ZNF395: variants seen among roughly 807,000 people sequenced by gnomAD.
ZNF395 encodes zinc finger protein 395.
Under a neutral mutation model 57.7 loss-of-function variants are expected in ZNF395, and 20 were observed. The observed-to-expected ratio is 0.35, with a 90% CI of 0.24 to 0.50. ZNF395 has a LOEUF of 0.50. Among genes scored for constraint, ZNF395 ranks in the 20% least tolerant of loss-of-function variants. The pLI is 0.97. For missense variants in ZNF395, 606 were observed against 671.2 expected (o/e 0.90, Z 1.07); for synonymous variants, 295 against 275.9 (o/e 1.07, Z -0.69).
intron 1 of ZNF395, among the ~76,000 whole-genome samples, chr8:28,385,758 G>A (rs1397926754): frequency 1.3e-5 from 2 of 148,374 alleles, no homozygotes; most frequent in East Asian, 3.9e-4. Context: ...GTCGGGAGGG[G>A]GCTCCGAGAG....
At chr8:28,365,658 G>C (rs946305658) in intron 1 of ZNF395, 1 of 152,116 alleles carries the variant, frequency 6.6e-6, no homozygotes, top group East Asian at 1.9e-4. Flanking sequence ...AGTTTTAAGG[G>C]GATACCAAGC....
Position 28,351,675 on chromosome 8 carries a change from G to C in ZNF395, c.1053C>G (p.Ser351=). 6.2e-7 allele frequency: 1 copy of C among 1,612,504 alleles called. No individual in the cohort carries two copies. Among genetic ancestry groups the C allele is most frequent in the Non-Finnish European group, 8.5e-7 (1 of 1,179,906 alleles). Residue 351 remains serine (S), a synonymous_variant, in exon 7 of 10, where the codon TCC becomes TCG. Coordinates refer to ENST00000344423, the MANE Select transcript of ZNF395 (RefSeq NM_018660.3). ...TCATGCTGGGGGTGGGAGCTGGCTC[G>C]GAGGTGGGAGTCCCAGGGACTGGGG... ...AGTPVPGTPT[S]EPAPTPSMTG... is the part of the protein sequence containing the mutation.
intron 1 of ZNF395, among the ~76,000 whole-genome samples, chr8:28,374,395 G>C (rs982795780): frequency 6.6e-6 from 1 of 152,210 alleles, no homozygotes; most frequent in African/African-American, 2.4e-5. Context: ...CTTTCTGATT[G>C]CTGCAGAAGT....
At position 28,359,732 on chromosome 8, in the gene ZNF395, C is replaced by T; in HGVS notation, c.333G>A (p.Gln111=). The change falls in exon 3 of 10, where the codon CAG becomes CAA. Residue 111 remains glutamine, a synonymous_variant. Transcript: ENST00000344423. This position sits in a 1 kb window ranked among gnomAD's most constrained non-coding sequence, Gnocchi z 4.7. ...CCACCCTGCAGCAGACCTGCAGCTT[C>T]TGCTCCAGCAGCCAGACGGTCACCT... ...EGQVTVWLLE[Q]KLQVCCRVEE... is the part of the protein sequence containing the mutation. The T allele has an allele frequency of 6.2e-7, 1 of 1,614,144 alleles. No homozygotes were observed. The highest frequency in any genetic ancestry group is 8.5e-7 in the Non-Finnish European group (1 of 1,180,046).
chr8:28,380,542 G>T lies in ZNF395; in HGVS notation c.-59+5851C>A, dbSNP rs578183631. ...TACTCATTTTCAGATCTCCTTCCAGGCTGCCTCAGTGCCAATAATTAACAG... is the reference window on the plus strand; with the variant it reads ...TACTCATTTTCAGATCTCCTTCCAGTCTGCCTCAGTGCCAATAATTAACAG... On this transcript the variant is annotated intron_variant, in intron 1 of 9. Transcript: ENST00000344423. 2.0e-5 allele frequency among the ~76,000 whole-genome samples: 3 copies of T among 152,190 alleles called. No individual in the cohort carries two copies. The South Asian group carries it at 6.2e-4, about 32-fold the overall frequency.
Position 28,349,218 on chromosome 8 carries a change from C to A in ZNF395, c.1337G>T (p.Arg446Leu), listed in dbSNP as rs762234584. ...CTGGGGCTCGCTGAAGCTTAGCGAC[C>A]GGCTCCGGACCTGGGCGTGGGGAGA... Reference protein sequence around the residue: ...AACSLSPVRSRSLSFSEPQQP... With the variant: ...AACSLSPVRSLSLSFSEPQQP... The change falls in exon 9 of 10, where the codon CGG becomes CTG. Residue 446 changes from arginine (R) to leucine (L), a missense_variant. This residue lies in a region of ZNF395 where 261 missense variants were observed against 240.3 expected (regional missense o/e 1.09). Transcript: ENST00000344423. The A allele has an allele frequency of 6.5e-7, 1 of 1,545,580 alleles. No individual in the cohort carries two copies. Among genetic ancestry groups the A allele is most frequent in the South Asian group, 1.2e-5 (1 of 80,452 alleles).
At position 28,351,589 on chromosome 8, in the gene ZNF395, T is replaced by C. The variant is rs1193746819; in HGVS notation, c.1139A>G (p.Glu380Gly). The part of the protein sequence containing the change: ...PLHKAQSSGP[E>G]HPGPESSLPS... ...CAGGGAGGACTCCGGGCCAGGATGT[T>C]CTGGGCCGGAGGACTGGGCTTTGTG... Residue 380 changes from glutamate to glycine, a missense_variant, in exon 7 of 10, where the codon GAA (glutamate) becomes GGA (glycine). Glu to Gly is a moderately conservative substitution (Grantham distance 98). Around this residue, in one of 3 missense-constraint regions of ZNF395, gnomAD observed 261 missense variants for 240.3 expected, o/e 1.09. Transcript: ENST00000344423. 1 of 1,613,736 alleles carries C rather than the reference T, an allele frequency of 6.2e-7. No individual in the cohort carries two copies. Among genetic ancestry groups the C allele is most frequent in the Admixed American group, 1.7e-5 (1 of 60,020 alleles).
At chr8:28,377,728 G>C (rs1458717767) in intron 1 of ZNF395, among the ~76,000 whole-genome samples, 2 of 146,072 alleles carry the variant, frequency 1.4e-5, no homozygotes, top group East Asian at 2.0e-4. Flanking sequence ...ATCCCGAATA[G>C]AAGTGGCATG....
chr8:28,376,535 T>C (rs1585864456), intron 1 of ZNF395, among the ~76,000 whole-genome samples: 1 of 151,734 alleles, frequency 6.6e-6, no homozygotes, highest in African/African-American at 2.4e-5. Flanking sequence ...CAGGGAGAAA[T>C]GCTTGAACCC....
intron 1 of ZNF395, among the ~76,000 whole-genome samples, chr8:28,362,859 T>C (rs1177871648): frequency 6.6e-6 from 1 of 152,268 alleles, no homozygotes; most frequent in Non-Finnish European, 1.5e-5. Flanking sequence ...ATGAGCATTT[T>C]ATGCAGAAAC....
intron 1 of ZNF395, among the ~76,000 whole-genome samples, chr8:28,374,254 A>G (rs1802011176): frequency 6.6e-6 from 1 of 152,220 alleles, no homozygotes; most frequent in African/African-American, 2.4e-5. Context: ...ATCCACAGCC[A>G]ATGCACTTAA....
At chr8:28,357,260 T>C (rs1373448461) in intron 3 of ZNF395, among the ~76,000 whole-genome samples, 1 of 152,154 alleles carries the variant, frequency 6.6e-6, no homozygotes, top group African/African-American at 2.4e-5. Context: ...AATTATACAC[T>C]AACCACCTTC....
At position 28,356,814 on chromosome 8, in the gene ZNF395, C is replaced by T. The variant is rs1368283835; in HGVS notation, c.474-35G>A. On this transcript the variant is annotated intron_variant, in intron 3 of 9. Transcript: ENST00000344423. The surrounding 1 kb of genome is among the most constrained non-coding windows in gnomAD (Gnocchi z 4.0). ...CACGGATGAGTGGGAAATGTTACTT[C>T]CTGGCATGGCGGGCCCATGGTCCTT... The T allele has an allele frequency of 3.8e-6, 6 of 1,561,390 alleles. No homozygotes were observed. Among genetic ancestry groups the T allele is most frequent in the East Asian group, 2.3e-5 (1 of 43,570 alleles).
At chr8:28,354,161 A>G (rs938147881) in intron 4 of ZNF395, among the ~76,000 whole-genome samples, 8 of 152,218 alleles carry the variant, frequency 5.3e-5, no homozygotes, top group East Asian at 3.9e-4. Context: ...CGTGCCTGAC[A>G]TGGCCCTGAA....
rs762520973 is a variant in ZNF395 at position 28,356,728 on chromosome 8, C to T, written c.525G>A (p.Thr175=). The T allele has an allele frequency of 9.9e-6, 16 of 1,614,234 alleles. No individual in the cohort carries two copies. Among genetic ancestry groups the T allele is most frequent in the South Asian group, 7.7e-5 (7 of 91,084 alleles). The change falls in exon 4 of 10, where the codon ACG becomes ACA. Residue 175 remains threonine, a synonymous_variant. Transcript: ENST00000344423. This position sits in a 1 kb window ranked among gnomAD's most constrained non-coding sequence, Gnocchi z 4.0. ...MDEMMAAMVL[T]SLSCSPVVQS... is the part of the protein sequence containing the mutation. ...GTACAACAGGGCTGCAGGACAGGGA[C>T]GTCAGCACCATGGCCGCCATCATCT...
chr8:28,360,300 G>C (rs762924869), intron 2 of ZNF395, among the ~76,000 whole-genome samples: 19 of 152,222 alleles, frequency 1.2e-4, no homozygotes, highest in Non-Finnish European at 2.2e-4. Flanking sequence ...CAGGCAGGGA[G>C]GCCTGGAGGC....
intron 1 of ZNF395, among the ~76,000 whole-genome samples, chr8:28,371,138 G>A (rs1177343940): frequency 6.6e-6 from 1 of 152,202 alleles, no homozygotes; most frequent in Non-Finnish European, 1.5e-5. Context: ...GCTAGAAAAT[G>A]ACAGAACTCA....
Position 28,349,129 on chromosome 8 carries a change from C to A in ZNF395, c.1426G>T (p.Ala476Ser). ...GGACGACAGCGGACATCTCACCTGG[C>A]ACCACTCTGGGCCCGGGGTGGAGAA... ...VTSPPRAQSG[A>S]RKARGEAKKC... Residue 476 changes from alanine to serine, a missense_variant, in exon 9 of 10, where the codon GCC becomes TCC. By Grantham distance (99) the Ala-to-Ser change is moderately conservative. This residue lies in a region of ZNF395 where 36 missense variants were observed against 56.2 expected (regional missense o/e 0.64). Coordinates refer to ENST00000344423, the MANE Select transcript of ZNF395 (RefSeq NM_018660.3). 1 of 1,566,760 alleles carries A rather than the reference C, an allele frequency of 6.4e-7. No homozygotes were observed. The highest frequency in any genetic ancestry group is 1.2e-5 in the South Asian group (1 of 83,524).
intron 9 of ZNF395, 102 bp from the exon 10 acceptor site, chr8:28,348,932 TC>T: frequency 7.5e-7 from 1 of 1,335,568 alleles, no homozygotes; most frequent in Middle Eastern, 2.2e-4. Context: ...AAGGGGCAGC[TC>T]CCGGCAAAAG....
Sources: allele counts gnomAD v4.1 joint callset (sites outside exome capture counted in the v4.1 genomes callset), GRCh38; gene constraint gnomAD v4.1.1; regional missense constraint gnomAD v4.1.1; non-coding constraint Gnocchi (gnomAD v3.1); transcripts MANE v1.5; gene names NCBI Gene and HGNC (gene_info 2026-07-23, HGNC 2026-07-21).